Variants in KIR3DL2 observed in about 807,000 individuals in gnomAD.
KIR3DL2 encodes killer cell immunoglobulin like receptor, three Ig domains and long cytoplasmic tail 2, also known as killer cell immunoglobulin-like receptor 3DL2.
KIR3DL2 carries 42 observed loss-of-function variants against 41.6 expected under a neutral mutation model. That is an observed-to-expected ratio of 1.01 (90% CI 0.79 to 1.31). The LOEUF is 1.31. KIR3DL2 is among the 50% of genes most tolerant of loss of function. The pLI, the probability that KIR3DL2 is intolerant of heterozygous loss-of-function variation, is 0.00. For synonymous variants in KIR3DL2, 230 were observed against 221.3 expected, an observed-to-expected ratio of 1.04 and a Z score of -0.35; for missense variants, 728 against 576.8, an observed-to-expected ratio of 1.26 and a Z score of -2.68.
chr19:54,852,153 T>A lies in KIR3DL2; in HGVS notation c.226T>A (p.Phe76Ile). 1 of 1,612,966 alleles carries A rather than the reference T, an allele frequency of 6.2e-7. No homozygotes were observed. The highest frequency in any genetic ancestry group is 2.2e-5 in the East Asian group (1 of 44,828). ...CGTTCCCATCTTCCACGGCAGAATA[T>A]TCCAGGAGAGCTTCATCATGGGCCC... Reference protein sequence around the residue: ...SHVPIFHGRIFQESFIMGPVT... With the variant: ...SHVPIFHGRIIQESFIMGPVT... Residue 76 changes from phenylalanine (F) to isoleucine (I), a missense_variant, in exon 3 of 9, where the codon TTC becomes ATC. Phe to Ile is a conservative substitution (Grantham distance 21). Transcript: ENST00000326321.
At chr19:54,862,802 C>CTTTTTTTTTTTTTT (rs1210198153) in intron 6 of KIR3DL2, among the ~76,000 whole-genome samples, 11 of 79,752 alleles carry the variant, frequency 1.4e-4, no homozygotes, top group Non-Finnish European at 2.1e-4. Context: ...TGGGTTACTT[C>CTTTTTTTTTTTTTT]TTTTTTTTTT....
chr19:54,853,112 AAATT>A (rs1489807070), intron 3 of KIR3DL2, among the ~76,000 whole-genome samples: 2 of 151,474 alleles, frequency 1.3e-5, no homozygotes, highest in Non-Finnish European at 2.9e-5. Flanking sequence ...TCTCAAAAAT[AAATT>A]AATTAATCAA....
At chr19:54,859,766 C>T (rs1296779247) in intron 6 of KIR3DL2, among the ~76,000 whole-genome samples, 34 of 152,054 alleles carry the variant, frequency 2.2e-4, no homozygotes, top group African/African-American at 7.5e-4. Flanking sequence ...ACGTGCATGT[C>T]ACTGGGCTAA....
At chr19:54,856,497 A>G (rs1349633766) in intron 5 of KIR3DL2, among the ~76,000 whole-genome samples, 1 of 151,602 alleles carries the variant, frequency 6.6e-6, no homozygotes, top group African/African-American at 2.4e-5. Context: ...CCTGGCCAAC[A>G]TGCGGGAAAT....
Position 54,855,859 on chromosome 19 carries a change from C to T in KIR3DL2, c.896C>T (p.Ala299Val). ...TACAGATGCTTCGGCTCTTTCCGTG[C>T]CCTGCCCTGCGTGTGGTCAAACTCA... ...GTYRCFGSFRALPCVWSNSSD... is the reference protein window; with the variant it reads ...GTYRCFGSFRVLPCVWSNSSD... Residue 299 changes from alanine to valine, a missense_variant, in exon 5 of 9, where the codon GCC becomes GTC. Coordinates refer to ENST00000326321, the MANE Select transcript of KIR3DL2 (RefSeq NM_006737.4). 2.5e-6 allele frequency: 4 copies of T among 1,613,144 alleles called. No individual in the cohort carries two copies. The highest frequency in any genetic ancestry group is 3.4e-6 in the Non-Finnish European group (4 of 1,179,730).
Position 54,867,069 on chromosome 19 carries a change from C to T in KIR3DL2, c.*338C>T. 1 of 341,066 alleles carries T rather than the reference C, an allele frequency of 2.9e-6. No individual in the cohort carries two copies. 21.1% of individuals were successfully genotyped at this position (341,066 alleles called of 1,614,324 possible). On this transcript the variant is annotated 3_prime_UTR_variant, in exon 9 of 9. Transcript: ENST00000326321. ...TCCCTCTTAACACGGCACTTACACACTTGCTGTTCCACCTTCCCTCATGCT... is the reference window on the plus strand; with the variant it reads ...TCCCTCTTAACACGGCACTTACACATTTGCTGTTCCACCTTCCCTCATGCT...
At chr19:54,850,661 T>C (rs1367816299) in intron 1 of KIR3DL2, 152 bp downstream of exon 1, 5 of 1,129,556 alleles carry the variant, frequency 4.4e-6, no homozygotes, top group Non-Finnish European at 4.9e-6. Context: ...AATATGGGCC[T>C]GGAGTGGAGA....
intron 6 of KIR3DL2, among the ~76,000 whole-genome samples, chr19:54,865,022 G>C (rs1304995859): frequency 6.6e-6 from 1 of 152,022 alleles, no homozygotes; most frequent in Non-Finnish European, 1.5e-5. Flanking sequence ...ATTATTTTGA[G>C]ATACGTCCCA....
At chr19:54,859,864 T>C (rs201591378) in intron 6 of KIR3DL2, among the ~76,000 whole-genome samples, 490 of 148,180 alleles carry the variant, frequency 3.3e-3, no homozygotes, top group African/African-American at 0.011. Flanking sequence ...GAGGCTCCCA[T>C]GTTCCTTGGC....
In KIR3DL2 at chr19:54,852,354, A is replaced by G. The variant is rs377319769; in HGVS notation, c.355+72A>G. On this transcript the variant is annotated intron_variant, in intron 3 of 8. Coordinates refer to ENST00000326321, the MANE Select transcript of KIR3DL2 (RefSeq NM_006737.4). The stretch of plus-strand genomic sequence containing the variant: ...CCCAGAGCTTCTGGTGGGGGTGTCC[A>G]TCAGGGTCCCATCACCCAGGCCCCA... The G allele has an allele frequency of 1.3e-3, 1,984 of 1,562,326 alleles. 23 individuals are homozygous for G. Among genetic ancestry groups the G allele is most frequent in the African/African-American group, 8.2e-3 (588 of 71,642 alleles).
chr19:54,850,657 G>T, intron 1 of KIR3DL2, 148 bp downstream of exon 1: 1 of 1,247,782 alleles, frequency 8.0e-7, no homozygotes, highest in South Asian at 1.3e-5. Context: ...TGTAAATATG[G>T]GCCTGGAGTG....
chr19:54,862,807 T>G (rs1329557502), intron 6 of KIR3DL2, among the ~76,000 whole-genome samples: 1 of 145,388 alleles, frequency 6.9e-6, no homozygotes, highest in East Asian at 2.0e-4. Context: ...TACTTCTTTT[T>G]TTTTTTTTTT....
chr19:54,852,877 C>A (rs1413993817), intron 3 of KIR3DL2, among the ~76,000 whole-genome samples: 2 of 150,770 alleles, frequency 1.3e-5, no homozygotes, highest in African/African-American at 2.5e-5. Context: ...TCTCCTGCTG[C>A]CATGTTTGTG....
chr19:54,861,907 T>G (rs1654644), intron 6 of KIR3DL2, among the ~76,000 whole-genome samples: 53,387 of 150,702 alleles, frequency 0.35, 9,483 homozygotes, highest in South Asian at 0.4. Context: ...CAAGAAACTT[T>G]CCCCCTCACC....
chr19:54,866,258 A>C lies in KIR3DL2; in HGVS notation c.1106-112A>C, dbSNP rs1313616816. 3 of 1,029,710 alleles carry C rather than the reference A, an allele frequency of 2.9e-6. No homozygotes were observed. In the African/African-American group the frequency reaches 4.8e-5, roughly 17 times the overall value. The allele number at this position is 1,029,710 out of a possible 1,614,324, so 63.8% of individuals were successfully genotyped here. A position where few individuals can be genotyped will look rare whatever the true frequency, so the allele number is the denominator to read the frequency against. ...AGAATGTCTGAGTCTGGATGTTGGC[A>C]GCTGAAGAGCCTCAGGCACCTACAG... is the stretch of plus-strand genomic sequence containing the variant. On this transcript the variant is annotated intron_variant, in intron 7 of 8. Coordinates refer to ENST00000326321, the MANE Select transcript of KIR3DL2 (RefSeq NM_006737.4).
At chr19:54,862,138 G>A (rs1390287808) in intron 6 of KIR3DL2, among the ~76,000 whole-genome samples, 1 of 152,016 alleles carries the variant, frequency 6.6e-6, no homozygotes, top group Non-Finnish European at 1.5e-5. Flanking sequence ...CCTCTCAGGT[G>A]GAACAGCAGC....
chr19:54,862,419 T>C (rs1236587868), intron 6 of KIR3DL2, among the ~76,000 whole-genome samples: 3 of 152,126 alleles, frequency 2.0e-5, no homozygotes, highest in African/African-American at 4.8e-5. Context: ...TGCCAATTTC[T>C]ATCACTCACC....
chr19:54,855,041 A>AGAT (rs80351760), intron 4 of KIR3DL2, among the ~76,000 whole-genome samples: 25,419 of 147,690 alleles, frequency 0.17, 2,784 homozygotes, highest in African/African-American at 0.27. Flanking sequence ...TGATACATAG[A>AGAT]GATGATGATG....
At chr19:54,856,268 T>A (rs2064770173) in intron 5 of KIR3DL2, among the ~76,000 whole-genome samples, 2 of 151,434 alleles carry the variant, frequency 1.3e-5, no homozygotes, top group African/African-American at 2.4e-5. Context: ...CAGAGAGATG[T>A]CATCACCAGC....
Sources: gnomAD v4.1 joint callset for allele counts (sites outside exome capture counted in the v4.1 genomes callset) on GRCh38, gnomAD v4.1.1 for gene constraint, MANE v1.5 for transcripts, NCBI Gene and HGNC (gene_info 2026-07-23, HGNC 2026-07-21) for gene names.